PTPRT: variants seen among roughly 807,000 people sequenced by gnomAD.
The protein encoded by PTPRT is protein tyrosine phosphatase receptor type T, also known as receptor-type tyrosine-protein phosphatase T.
In PTPRT, 56 loss-of-function variants were observed where a neutral mutation model predicts 176.8. The observed-to-expected ratio is 0.32, with a 90% CI of 0.26 to 0.40. PTPRT has a LOEUF of 0.40. Among genes scored for constraint, PTPRT ranks in the 10% least tolerant of loss-of-function variants. The pLI is 1.00. For missense variants in PTPRT, 1,540 were observed against 1,908.2 expected, an observed-to-expected ratio of 0.81 and a Z score of 3.60; for synonymous variants, 783 against 739.0, an observed-to-expected ratio of 1.06 and a Z score of -0.96.
intron 16 of PTPRT, among the ~76,000 whole-genome samples, chr20:42,183,374 CTG>C (rs911080160): frequency 2.0e-5 from 3 of 152,180 alleles, no homozygotes; most frequent in Admixed American, 6.5e-5. Context: ...GCCCTTCACC[CTG>C]TCTTTCAGGA....
chr20:42,150,882 T>A (rs1485322786), intron 17 of PTPRT, among the ~76,000 whole-genome samples: 2 of 152,110 alleles, frequency 1.3e-5, no homozygotes. Flanking sequence ...CTGTACACTC[T>A]CCCAAAACTA....
intron 2 of PTPRT, among the ~76,000 whole-genome samples, chr20:42,867,854 G>T (rs922733186): frequency 6.6e-6 from 1 of 151,836 alleles, no homozygotes; most frequent in Non-Finnish European, 1.5e-5. Flanking sequence ...GCTAATTTTT[G>T]TATTTTCAGT....
intron 2 of PTPRT, among the ~76,000 whole-genome samples, chr20:42,811,469 T>C (rs1246395700): frequency 6.6e-6 from 1 of 152,184 alleles, no homozygotes; most frequent in African/African-American, 2.4e-5. Flanking sequence ...AAAACTAGCC[T>C]TTCAAATACT....
intron 2 of PTPRT, among the ~76,000 whole-genome samples, chr20:42,813,201 G>A (rs752668580): frequency 6.6e-6 from 1 of 151,982 alleles, no homozygotes; most frequent in Non-Finnish European, 1.5e-5. Flanking sequence ...TTAATCTCAT[G>A]CTGTCCATTT....
intron 9 of PTPRT, among the ~76,000 whole-genome samples, chr20:42,363,570 A>G (rs1046414790): frequency 4.6e-5 from 7 of 151,724 alleles, no homozygotes; most frequent in Non-Finnish European, 8.8e-5. Context: ...TCGGCCTCCC[A>G]AAGTGCTAGG....
At chr20:42,242,095 T>C (rs145347589) in intron 14 of PTPRT, among the ~76,000 whole-genome samples, 226 of 152,330 alleles carry the variant, frequency 1.5e-3, no homozygotes, top group African/African-American at 5.1e-3. Context: ...GCTTTTCTGA[T>C]TGTCTACCCA....
chr20:43,024,803 A>C (rs577671001), intron 1 of PTPRT, among the ~76,000 whole-genome samples: 8 of 152,348 alleles, frequency 5.3e-5, no homozygotes, highest in African/African-American at 1.9e-4. Context: ...TTCTCAGGCC[A>C]ACACATGCTA....
At chr20:42,637,374 C>T (rs949373196) in intron 7 of PTPRT, among the ~76,000 whole-genome samples, 1 of 152,120 alleles carries the variant, frequency 6.6e-6, no homozygotes, top group Non-Finnish European at 1.5e-5. Context: ...CTGCCAGTCT[C>T]CTTGTTGCTA....
At chr20:43,186,837 T>C (rs1307952164) in intron 1 of PTPRT, among the ~76,000 whole-genome samples, 3 of 152,252 alleles carry the variant, frequency 2.0e-5, no homozygotes, top group Non-Finnish European at 2.9e-5. Flanking sequence ...TTGAGTTAAA[T>C]GACTACATTG....
intron 2 of PTPRT, among the ~76,000 whole-genome samples, chr20:42,827,494 G>T (rs975830458): frequency 1.3e-5 from 2 of 152,162 alleles, no homozygotes; most frequent in African/African-American, 4.8e-5. Flanking sequence ...TCAAGAAGTT[G>T]TTTGAAACTA....
rs80164032 is a variant in PTPRT at position 43,039,042 on chromosome 20, C to T, written c.88+150604G>A. On this transcript the variant is annotated intron_variant, in intron 1 of 30. Transcript: ENST00000373187. ...TCTATAAATCCAACGCAGAGCCAAC[C>T]AAAGTTCAAACAAGATTTGAGGGGA... Among the ~76,000 whole-genome samples the T allele has an allele frequency of 5.3e-5, 8 of 152,186 alleles. No homozygotes were observed. The East Asian group carries it at 1.5e-3, about 29-fold the overall frequency.
chr20:43,183,717 A>G (rs1004364362), intron 1 of PTPRT, among the ~76,000 whole-genome samples: 5 of 152,160 alleles, frequency 3.3e-5, no homozygotes, highest in African/African-American at 1.2e-4. Context: ...TCCATGCCCA[A>G]CCCTAGGCAA....
chr20:42,210,754 C>G (rs2055602769), intron 15 of PTPRT, among the ~76,000 whole-genome samples: 1 of 152,148 alleles, frequency 6.6e-6, no homozygotes, highest in African/African-American at 2.4e-5. Context: ...CCATCCCCAT[C>G]AAGTTACCAA....
At chr20:43,088,116 C>A (rs1370001877) in intron 1 of PTPRT, among the ~76,000 whole-genome samples, 2 of 152,194 alleles carry the variant, frequency 1.3e-5, no homozygotes, top group Non-Finnish European at 2.9e-5. Flanking sequence ...ACACATTATA[C>A]TGAAACATCA....
At chr20:42,783,927 A>G (rs1040329172) in intron 3 of PTPRT, among the ~76,000 whole-genome samples, 5 of 152,080 alleles carry the variant, frequency 3.3e-5, no homozygotes, top group Non-Finnish European at 5.9e-5. Flanking sequence ...CAAGTCAGTA[A>G]ATGGAGGCCG....
chr20:42,634,427 A>C (rs1038096177), intron 7 of PTPRT, among the ~76,000 whole-genome samples: 1 of 151,564 alleles, frequency 6.6e-6, no homozygotes, highest in Admixed American at 6.6e-5. Context: ...CTGAGTCACC[A>C]ATGTTTGAAG....
intron 1 of PTPRT, among the ~76,000 whole-genome samples, chr20:42,898,279 C>T (rs1332756718): frequency 6.6e-6 from 1 of 152,130 alleles, no homozygotes; most frequent in Non-Finnish European, 1.5e-5. Context: ...CATATCATAG[C>T]TCACTTGAAG....
At chr20:43,120,513 C>T (rs189887593) in intron 1 of PTPRT, among the ~76,000 whole-genome samples, 4,599 of 152,302 alleles carry the variant, frequency 0.03, 89 homozygotes, top group South Asian at 0.081. Flanking sequence ...CCTCGTGATC[C>T]GCCCGCCTCG....
intron 9 of PTPRT, among the ~76,000 whole-genome samples, chr20:42,427,171 C>T (rs896931555): frequency 1.3e-5 from 2 of 152,174 alleles, no homozygotes; most frequent in Non-Finnish European, 2.9e-5. Flanking sequence ...ATCCATCCCT[C>T]CTCTTCTCCC....
Sources: gnomAD v4.1 joint callset for allele counts (sites outside exome capture counted in the v4.1 genomes callset) on GRCh38, gnomAD v4.1.1 for gene constraint, MANE v1.5 for transcripts, NCBI Gene and HGNC (gene_info 2026-07-23, HGNC 2026-07-21) for gene names.